RAB19: variants seen among roughly 807,000 people sequenced by gnomAD.
RAB19 encodes the protein RAB19, member RAS oncogene family.
In RAB19, 21 loss-of-function variants were observed where a neutral mutation model predicts 17.3. That is an observed-to-expected ratio of 1.21 (90% CI 0.86 to 1.74). RAB19 has a LOEUF of 1.74. Ranked by LOEUF, RAB19 falls within the 40% of genes most tolerant of loss-of-function variation. RAB19 has a pLI of 0.00. For synonymous variants in RAB19, 126 were observed against 110.4 expected, an observed-to-expected ratio of 1.14 and a Z score of -0.88; for missense variants, 277 against 286.8, an observed-to-expected ratio of 0.97 and a Z score of 0.25.
chr7:140,410,885 T>C, intron 2 of RAB19: 1 of 1,349,418 alleles, frequency 7.4e-7, no homozygotes, highest in Non-Finnish European at 9.9e-7. Context: ...CTGTGTGAAT[T>C]GGTGCTGCCG....
chr7:140,413,155 A>G (rs186285517), intron 3 of RAB19, among the ~76,000 whole-genome samples: 1 of 152,160 alleles, frequency 6.6e-6, no homozygotes, highest in East Asian at 1.9e-4. Context: ...TCGCCAACAT[A>G]TGTTCTTAGC....
At chr7:140,408,818 G>T (rs765621922) in intron 2 of RAB19, among the ~76,000 whole-genome samples, 1 of 152,010 alleles carries the variant, frequency 6.6e-6, no homozygotes, top group Non-Finnish European at 1.5e-5. Context: ...AAGTGCAGTG[G>T]CACAATCACA....
chr7:140,423,000 C>T (rs973183744), intron 3 of RAB19, among the ~76,000 whole-genome samples: 3 of 151,170 alleles, frequency 2.0e-5, no homozygotes, highest in East Asian at 2.0e-4. Flanking sequence ...CCCAGTTATT[C>T]GAGAAGCTGA....
Position 140,407,787 on chromosome 7 carries a change from G to A in RAB19, c.141G>A (p.Gln47=). ...FKSGVYTETQ[Q]NTIGVDFTVR... ...CTGGAGTCTACACTGAGACACAGCA[G>A]AACACGATTGGAGTGGACTTTACCG... The change falls in exon 2 of 4, where the codon CAG becomes CAA. Residue 47 remains glutamine (Q), a synonymous_variant. Transcript: ENST00000537763. The A allele has an allele frequency of 6.2e-7, 1 of 1,608,970 alleles. No individual in the cohort carries two copies. Among genetic ancestry groups the A allele is most frequent in the Non-Finnish European group, 8.5e-7 (1 of 1,177,286 alleles).
chr7:140,410,335 T>TTTG (rs1362028715), intron 2 of RAB19, among the ~76,000 whole-genome samples: 1 of 140,436 alleles, frequency 7.1e-6, no homozygotes, highest in African/African-American at 2.6e-5. Flanking sequence ...TTTTTTTTTT[T>TTTG]TTGAGACGGA....
At position 140,426,290 on chromosome 7, in the gene RAB19, T is replaced by C; in HGVS notation, c.*140T>C. The C allele has an allele frequency of 1.1e-6, 1 of 917,518 alleles. No individual in the cohort carries two copies. Among genetic ancestry groups the C allele is most frequent in the Non-Finnish European group, 1.6e-6 (1 of 624,684 alleles). The allele number at this position is 917,518 out of a possible 1,614,324, so 56.8% of individuals were successfully genotyped here. A position where few individuals can be genotyped will look rare whatever the true frequency, so the allele number is the denominator to read the frequency against. ...TCACCCCTAATCCTCCCAGTCTGGA[T>C]GGGCCACACTTCTCCCTTGACTCAC... On this transcript the variant is annotated 3_prime_UTR_variant, in exon 4 of 4. Transcript: ENST00000537763.
chr7:140,405,997 C>G (rs1055715380), intron 1 of RAB19, among the ~76,000 whole-genome samples: 2 of 151,916 alleles, frequency 1.3e-5, no homozygotes, highest in African/African-American at 4.8e-5. Context: ...AATCCCAACA[C>G]TTTGGGAGGT....
intron 3 of RAB19, among the ~76,000 whole-genome samples, chr7:140,414,929 T>G (rs1799428359): frequency 6.6e-6 from 1 of 152,058 alleles, no homozygotes. Flanking sequence ...AGGCCCCCAT[T>G]TCCCTTAGAA....
intron 3 of RAB19, among the ~76,000 whole-genome samples, chr7:140,414,750 G>A (rs1239977463): frequency 6.6e-6 from 1 of 152,146 alleles, no homozygotes; most frequent in African/African-American, 2.4e-5. Context: ...TCATACACGT[G>A]CTTCTTTCTG....
intron 3 of RAB19, among the ~76,000 whole-genome samples, chr7:140,416,977 G>A (rs1799468932): frequency 6.6e-6 from 1 of 151,738 alleles, no homozygotes; most frequent in African/African-American, 2.4e-5. Flanking sequence ...TGTAATCCCA[G>A]CACTTTGGGA....
intron 3 of RAB19, among the ~76,000 whole-genome samples, chr7:140,413,615 T>C (rs1262002357): frequency 6.6e-6 from 1 of 151,960 alleles, no homozygotes; most frequent in Non-Finnish European, 1.5e-5. Flanking sequence ...GTGGGGGGAA[T>C]CACTTGAGCC....
chr7:140,419,067 G>GTTTTTTTTTTTTT (rs1447992366), intron 3 of RAB19, among the ~76,000 whole-genome samples: 1 of 106,438 alleles, frequency 9.4e-6, no homozygotes, highest in African/African-American at 3.6e-5. Context: ...TTGTTTTGTG[G>GTTTTTTTTTTTTT]TTTGTTTTTT....
chr7:140,420,420 C>CAAAAAAA (rs560889183), intron 3 of RAB19, among the ~76,000 whole-genome samples: 4 of 87,218 alleles, frequency 4.6e-5, no homozygotes, highest in Admixed American at 2.6e-4. Context: ...GACTCCATAT[C>CAAAAAAA]AAAAAAAAAA....
At position 140,426,135 on chromosome 7, in the gene RAB19, C is replaced by G. The variant is rs1563076498; in HGVS notation, c.639C>G (p.Thr213=). 3 of 1,613,410 alleles carry G rather than the reference C, an allele frequency of 1.9e-6. No individual in the cohort carries two copies. The highest frequency in any genetic ancestry group is 1.7e-6 in the Non-Finnish European group (2 of 1,179,694). The change falls in exon 4 of 4, where the codon ACC becomes ACG. Residue 213 remains threonine (T), a synonymous_variant. Coordinates refer to ENST00000537763, the MANE Select transcript of RAB19 (RefSeq NM_001008749.3). The part of the protein sequence containing the change: ...VLMAQGPSEK[T]HCTC ...TGGCCCAGGGTCCAAGTGAAAAGAC[C>G]CACTGCACTTGCTAAGATGTTTGCA...
At chr7:140,413,749 T>C (rs1365644736) in intron 3 of RAB19, among the ~76,000 whole-genome samples, 1 of 152,022 alleles carries the variant, frequency 6.6e-6, no homozygotes, top group Non-Finnish European at 1.5e-5. Flanking sequence ...TATGTCCTAG[T>C]AGAGCAAAGA....
At chr7:140,404,729 T>A (rs982113596) in intron 1 of RAB19, among the ~76,000 whole-genome samples, 3 of 152,164 alleles carry the variant, frequency 2.0e-5, no homozygotes, top group Non-Finnish European at 4.4e-5. Context: ...AATGTAATCA[T>A]TAAGTGGGAT....
intron 2 of RAB19, 123 bp from the exon 3 acceptor site, chr7:140,411,751 T>A: frequency 1.3e-6 from 2 of 1,575,990 alleles, no homozygotes; most frequent in Non-Finnish European, 1.7e-6. Flanking sequence ...ACCCCAGATC[T>A]ACTGGGTCTG....
chr7:140,412,527 A>ATTT (rs377451819), intron 3 of RAB19, among the ~76,000 whole-genome samples: 1 of 141,990 alleles, frequency 7.0e-6, no homozygotes, highest in Non-Finnish European at 1.5e-5. Context: ...TGCCCAGCCC[A>ATTT]TTTTTTTTTT....
chr7:140,415,849 G>A (rs1314239292), intron 3 of RAB19, among the ~76,000 whole-genome samples: 2 of 151,622 alleles, frequency 1.3e-5, no homozygotes, highest in Non-Finnish European at 2.9e-5. Context: ...AGGTTGCAGT[G>A]AGCTGAGATC....
Sources: gnomAD v4.1 joint callset for allele counts (sites outside exome capture counted in the v4.1 genomes callset) on GRCh38, gnomAD v4.1.1 for gene constraint, MANE v1.5 for transcripts, NCBI Gene and HGNC (gene_info 2026-07-23, HGNC 2026-07-21) for gene names.